The following GLIS3 variants were observed in gnomAD, a reference collection of about 807,000 sequenced individuals.
GLIS3 encodes GLIS family zinc finger 3.
GLIS3 carries 53 observed loss-of-function variants against 78.6 expected under a neutral mutation model. The observed-to-expected ratio is 0.67, with a 90% CI of 0.54 to 0.85. GLIS3 has a LOEUF of 0.85. GLIS3 is among the 40% of genes least tolerant of loss of function. The pLI is 0.00. For missense variants in GLIS3, 1,703 were observed against 1,231.1 expected, an observed-to-expected ratio of 1.38 and a Z score of -5.74; for synonymous variants, 684 against 509.9, an observed-to-expected ratio of 1.34 and a Z score of -4.60.
At chr9:3,899,154 TAAC>T (rs1369051732) in intron 6 of GLIS3, among the ~76,000 whole-genome samples, 4 of 152,188 alleles carry the variant, frequency 2.6e-5, no homozygotes, top group African/African-American at 7.2e-5. Flanking sequence ...CTTGTAACGA[TAAC>T]AACAACAAAC....
intron 7 of GLIS3, among the ~76,000 whole-genome samples, chr9:3,888,161 C>T (rs888898105): frequency 2.0e-5 from 3 of 152,068 alleles, no homozygotes; most frequent in African/African-American, 7.2e-5. Flanking sequence ...TAGACGTGGC[C>T]AATCACTCCT....
At chr9:4,244,221 T>A (rs1177794565) in intron 2 of GLIS3, among the ~76,000 whole-genome samples, 1 of 152,216 alleles carries the variant, frequency 6.6e-6, no homozygotes. Context: ...CTCACCAGAA[T>A]AGCTCATGTC....
intron 9 of GLIS3, 82 bp from the exon 10 acceptor site, chr9:3,829,574 T>G: frequency 4.9e-6 from 7 of 1,441,884 alleles, no homozygotes; most frequent in Non-Finnish European, 6.8e-6. Flanking sequence ...AGAACCTCAC[T>G]CAGCCTGGCT....
chr9:3,885,923 G>A (rs1188219082), intron 7 of GLIS3, among the ~76,000 whole-genome samples: 3 of 152,140 alleles, frequency 2.0e-5, no homozygotes, highest in African/African-American at 7.2e-5. Context: ...AATGTGTCTA[G>A]GCAAATCACT....
chr9:4,266,556 C>A (rs1826025803), intron 2 of GLIS3, among the ~76,000 whole-genome samples: 1 of 151,552 alleles, frequency 6.6e-6, no homozygotes, highest in South Asian at 2.1e-4. Context: ...CTTCAGCATA[C>A]ACAAATATAG....
chr9:4,388,611 G>A, the GLIS3 span, among the ~76,000 whole-genome samples: 1 of 152,128 alleles, frequency 6.6e-6, no homozygotes, highest in African/African-American at 2.4e-5. Context: ...GGGAGGCGGA[G>A]GTTGCAGTGA....
chr9:3,901,484 C>A lies in GLIS3; in HGVS notation c.1984-2649G>T, dbSNP rs147193186. Among the ~76,000 whole-genome samples the A allele has an allele frequency of 3.9e-5, 6 of 152,308 alleles. No individual in the cohort carries two copies. The Middle Eastern group carries it at 0.017, about 435-fold the overall frequency. Reference sequence around the variant, plus strand: ...AAACAGGCTTTTTCCATCTAAAGAGCTGGTTGCTATACATTACCAGCACAC... The same window carrying A: ...AAACAGGCTTTTTCCATCTAAAGAGATGGTTGCTATACATTACCAGCACAC... On this transcript the variant is annotated intron_variant, in intron 6 of 10. Transcript: ENST00000381971.
At chr9:4,406,499 C>T in the GLIS3 span, among the ~76,000 whole-genome samples, 23 of 152,070 alleles carry the variant, frequency 1.5e-4, no homozygotes, top group African/African-American at 5.3e-4. Context: ...TTTGTATTTT[C>T]AGTAGAGAAG....
chr9:4,300,773 A>C (rs1482535068), upstream of GLIS3, among the ~76,000 whole-genome samples: 1 of 151,890 alleles, frequency 6.6e-6, no homozygotes, highest in African/African-American at 2.4e-5. Flanking sequence ...AGGTTGTTAC[A>C]AGAAAGTCTG....
At chr9:4,370,788 A>G in the GLIS3 span, among the ~76,000 whole-genome samples, 1 of 151,838 alleles carries the variant, frequency 6.6e-6, no homozygotes, top group Admixed American at 6.6e-5. Context: ...ACCCATTCTC[A>G]ACGTACATTG....
At chr9:4,485,671 T>TCAGG in the GLIS3 span, among the ~76,000 whole-genome samples, 33 of 151,604 alleles carry the variant, frequency 2.2e-4, no homozygotes, top group Middle Eastern at 3.5e-3. Context: ...CAAGAACCCA[T>TCAGG]CAGGGGATTG....
At chr9:3,898,246 A>C (rs1227221158) in intron 7 of GLIS3, 3 of 247,776 alleles carry the variant, frequency 1.2e-5, no homozygotes, top group Non-Finnish European at 1.6e-5. Context: ...ACATGAATGA[A>C]CATTCTTATA....
intron 2 of GLIS3, among the ~76,000 whole-genome samples, chr9:4,251,435 T>C (rs914142602): frequency 2.6e-5 from 4 of 151,632 alleles, no homozygotes; most frequent in Non-Finnish European, 5.9e-5. Flanking sequence ...CAATCTTTTT[T>C]TTTTTTTTTT....
At chr9:4,225,986 C>A (rs1305133695) in intron 2 of GLIS3, among the ~76,000 whole-genome samples, 1 of 152,228 alleles carries the variant, frequency 6.6e-6, no homozygotes, top group Non-Finnish European at 1.5e-5. Flanking sequence ...CATTTTAACA[C>A]TGGCCAGATT....
At chr9:4,377,915 A>G in the GLIS3 span, among the ~76,000 whole-genome samples, 1 of 152,170 alleles carries the variant, frequency 6.6e-6, no homozygotes, top group East Asian at 1.9e-4. Flanking sequence ...ATTTAATAAT[A>G]TTTATAATAG....
intron 2 of GLIS3, among the ~76,000 whole-genome samples, chr9:4,202,462 A>G (rs1371745310): frequency 1.3e-5 from 2 of 151,502 alleles, no homozygotes; most frequent in Non-Finnish European, 2.9e-5. Flanking sequence ...AAAAATAAAA[A>G]TAAATAAATA....
intron 4 of GLIS3, among the ~76,000 whole-genome samples, chr9:4,033,864 TAAAAA>T (rs34745570): frequency 1.8e-4 from 12 of 67,980 alleles, no homozygotes; most frequent in African/African-American, 6.3e-4. Flanking sequence ...AGGCGAAGGA[TAAAAA>T]AAAAAAAAAA....
intron 8 of GLIS3, among the ~76,000 whole-genome samples, chr9:3,857,575 T>C (rs1465214510): frequency 6.6e-6 from 1 of 151,898 alleles, no homozygotes; most frequent in Non-Finnish European, 1.5e-5. Context: ...AAAGTAGGAG[T>C]AGGACTCGCT....
intron 2 of GLIS3, among the ~76,000 whole-genome samples, chr9:4,218,281 TG>T (rs1465217514): frequency 6.6e-6 from 1 of 151,954 alleles, no homozygotes; most frequent in African/African-American, 2.4e-5. Context: ...CAGAGCTGTT[TG>T]GTTGAACTTT....
Sources: gnomAD v4.1 joint callset for allele counts (sites outside exome capture counted in the v4.1 genomes callset) on GRCh38, gnomAD v4.1.1 for gene constraint, MANE v1.5 for transcripts, NCBI Gene and HGNC (gene_info 2026-07-23, HGNC 2026-07-21) for gene names.